LRFN5: variants seen among roughly 807,000 people sequenced by gnomAD.
The protein encoded by LRFN5 is leucine rich repeat and fibronectin type III domain containing 5.
LRFN5 carries 24 observed loss-of-function variants against 45.6 expected under a neutral mutation model. The observed-to-expected ratio is 0.53, with a 90% CI of 0.38 to 0.74. The LOEUF (loss-of-function observed/expected upper bound fraction) is 0.74. Among genes scored for constraint, LRFN5 ranks in the 30% least tolerant of loss-of-function variants. The pLI, the probability that LRFN5 is intolerant of heterozygous loss-of-function variation, is 0.00. For missense variants in LRFN5, 776 were observed against 861.5 expected, an observed-to-expected ratio of 0.90 and a Z score of 1.24; for synonymous variants, 340 against 313.8, an observed-to-expected ratio of 1.08 and a Z score of -0.88.
chr14:41,833,515 C>G (rs750576701), intron 2 of LRFN5, among the ~76,000 whole-genome samples: 1 of 152,180 alleles, frequency 6.6e-6, no homozygotes, highest in African/African-American at 2.4e-5. Context: ...TCTTTCAAGG[C>G]AAAGTTACAA....
chr14:41,628,307 TC>T (rs1888410996), intron 1 of LRFN5, among the ~76,000 whole-genome samples: 1 of 152,218 alleles, frequency 6.6e-6, no homozygotes, highest in Non-Finnish European at 1.5e-5. Context: ...GTCCTCTTTT[TC>T]TCTTGTCAGG....
intron 1 of LRFN5, among the ~76,000 whole-genome samples, chr14:41,673,292 C>T (rs962228736): frequency 3.2e-4 from 49 of 151,668 alleles, no homozygotes; most frequent in African/African-American, 1.0e-3. Context: ...GTAGGGGCAG[C>T]CGGGCAGAGG....
chr14:41,784,784 A>G (rs1010537345), intron 2 of LRFN5, among the ~76,000 whole-genome samples: 1 of 151,922 alleles, frequency 6.6e-6, no homozygotes, highest in African/African-American at 2.4e-5. Context: ...ACGCACCACT[A>G]TACCCGGCTA....
At chr14:41,665,923 A>G (rs183695309) in intron 1 of LRFN5, among the ~76,000 whole-genome samples, 304 of 152,096 alleles carry the variant, frequency 2.0e-3, no homozygotes, top group African/African-American at 7.0e-3. Context: ...TGAATATTTC[A>G]TCAAACTTGG....
At chr14:41,728,902 T>C (rs894810880) in intron 1 of LRFN5, among the ~76,000 whole-genome samples, 1 of 152,180 alleles carries the variant, frequency 6.6e-6, no homozygotes, top group Admixed American at 6.6e-5. Context: ...TAGAAATGAA[T>C]TCACTAACCA....
chr14:41,712,519 G>A (rs1260912386), intron 1 of LRFN5, among the ~76,000 whole-genome samples: 2 of 152,098 alleles, frequency 1.3e-5, no homozygotes, highest in East Asian at 3.9e-4. Flanking sequence ...CAAACAAAAG[G>A]ATAATAGGTT....
intron 1 of LRFN5, among the ~76,000 whole-genome samples, chr14:41,695,824 C>A (rs1192558437): frequency 6.6e-6 from 1 of 151,950 alleles, no homozygotes; most frequent in Non-Finnish European, 1.5e-5. Context: ...GATTTCCATG[C>A]CTGCTAACAA....
chr14:41,807,249 T>A (rs1887555866), intron 2 of LRFN5, among the ~76,000 whole-genome samples: 1 of 152,160 alleles, frequency 6.6e-6, no homozygotes, highest in African/African-American at 2.4e-5. Flanking sequence ...CTGGTTAGAA[T>A]TGCCAGTTAG....
chr14:41,754,453 G>C (rs1885284441), intron 1 of LRFN5, among the ~76,000 whole-genome samples: 1 of 152,000 alleles, frequency 6.6e-6, no homozygotes, highest in Non-Finnish European at 1.5e-5. Flanking sequence ...GCTTGTTATT[G>C]GTCTATTCAG....
chr14:41,607,357 G>GAC lies in LRFN5; in HGVS notation c.-1391_-1390dup, dbSNP rs1274334892. Among the ~76,000 whole-genome samples, 3 of 151,968 alleles carry GAC rather than the reference G, an allele frequency of 2.0e-5. No individual in the cohort carries two copies. Among genetic ancestry groups the GAC allele is most frequent in the African/African-American group, 7.3e-5 (3 of 41,376 alleles). On this transcript the variant is annotated 5_prime_UTR_variant, in exon 1 of 6. Transcript: ENST00000298119. ...GGGGCAGACCAACGAAACCTAGACAGACACACACACACTCAGAGGAGAGAG... is the reference window on the plus strand; with the variant it reads ...GGGGCAGACCAACGAAACCTAGACAGACACACACACACACTCAGAGGAGAGAG...
intron 1 of LRFN5, among the ~76,000 whole-genome samples, chr14:41,656,457 T>A (rs2138629469): frequency 6.6e-6 from 1 of 152,048 alleles, no homozygotes; most frequent in Middle Eastern, 3.4e-3. Context: ...TTTCACAGTT[T>A]GAGATTTATT....
At chr14:41,867,817 C>T (rs1051239966) in intron 2 of LRFN5, among the ~76,000 whole-genome samples, 1 of 152,042 alleles carries the variant, frequency 6.6e-6, no homozygotes, top group Admixed American at 6.6e-5. Flanking sequence ...TGGCTTCCCT[C>T]ATATCCTCCC....
At chr14:41,898,851 A>C (rs1891019712) in intron 4 of LRFN5, 66 bp from the exon 5 acceptor site, 2 of 1,380,824 alleles carry the variant, frequency 1.4e-6, no homozygotes, top group Admixed American at 1.9e-5. Context: ...TTTCAGTAAG[A>C]GGTTTTTTGA....
chr14:41,775,043 C>T (rs914588258), intron 2 of LRFN5, among the ~76,000 whole-genome samples: 2 of 149,318 alleles, frequency 1.3e-5, no homozygotes, highest in African/African-American at 4.9e-5. Context: ...AGTCCAGGCA[C>T]ATTAGATTTG....
intron 2 of LRFN5, among the ~76,000 whole-genome samples, chr14:41,861,051 A>G (rs1429969237): frequency 6.6e-6 from 1 of 152,198 alleles, no homozygotes; most frequent in Non-Finnish European, 1.5e-5. Flanking sequence ...CTCTATCTGG[A>G]ACACTTCTTC....
chr14:41,843,928 AT>A (rs1812699569), intron 2 of LRFN5, among the ~76,000 whole-genome samples: 1 of 152,192 alleles, frequency 6.6e-6, no homozygotes, highest in Non-Finnish European at 1.5e-5. Flanking sequence ...TAAAAATAAA[AT>A]TTTAATGGTC....
Position 41,887,021 on chromosome 14 carries a change from C to A in LRFN5, c.396C>A (p.Asn132Lys), listed in dbSNP as rs1273208191. The change falls in exon 3 of 6, where the codon AAC (asparagine) becomes AAA (lysine). Residue 132 changes from asparagine to lysine, a missense_variant. Transcript: ENST00000298119. The surrounding 1 kb of genome is among the most constrained non-coding windows in gnomAD (Gnocchi z 4.8). ...ATCTTCATCATTTGATACTGAACAA[C>A]AATCAGCTGACTTTAATTTCCTCTA... ...LSNLHHLILN[N>K]NQLTLISSTA... is the part of the protein sequence containing the mutation. The A allele has an allele frequency of 1.2e-6, 2 of 1,614,144 alleles. No individual in the cohort carries two copies. Among genetic ancestry groups the A allele is most frequent in the Non-Finnish European group, 1.7e-6 (2 of 1,180,024 alleles).
chr14:41,674,386 C>T (rs1341146564), intron 1 of LRFN5, among the ~76,000 whole-genome samples: 4 of 139,154 alleles, frequency 2.9e-5, no homozygotes, highest in Non-Finnish European at 3.2e-5. Context: ...GGCTGACCCC[C>T]CCACCTCCCT....
intron 1 of LRFN5, among the ~76,000 whole-genome samples, chr14:41,677,124 AAG>A (rs1881667682): frequency 1.3e-5 from 2 of 152,170 alleles, no homozygotes; most frequent in Admixed American, 6.5e-5. Context: ...AACAAGGAGA[AAG>A]GGGGGAAAAA....
Sources: gnomAD v4.1 joint callset for allele counts (sites outside exome capture counted in the v4.1 genomes callset) on GRCh38, gnomAD v4.1.1 for gene constraint, Gnocchi (gnomAD v3.1) non-coding constraint, MANE v1.5 for transcripts, NCBI Gene and HGNC (gene_info 2026-07-23, HGNC 2026-07-21) for gene names.